Variants in ZC3H6 observed in about 807,000 individuals in gnomAD.
ZC3H6 encodes the protein zinc finger CCCH domain-containing protein 6.
Under a neutral mutation model 107.7 loss-of-function variants are expected in ZC3H6, and 40 were observed. The ratio of observed to expected loss-of-function variants is 0.37; its 90% CI spans 0.29 to 0.48. The LOEUF (loss-of-function observed/expected upper bound fraction) is 0.48, where lower values mean the gene tolerates loss of function less well. Among genes scored for constraint, ZC3H6 ranks in the 20% least tolerant of loss-of-function variants. ZC3H6 has a pLI of 0.98. For missense variants in ZC3H6, 1,267 were observed against 1,410.4 expected, an observed-to-expected ratio of 0.90 and a Z score of 1.63; for synonymous variants, 493 against 487.9, an observed-to-expected ratio of 1.01 and a Z score of -0.14.
chr2:112,324,517 G>T lies in ZC3H6; in HGVS notation c.1706G>T (p.Cys569Phe), dbSNP rs1207533623. Residue 569 changes from cysteine to phenylalanine, a missense_variant, in exon 10 of 12, where the codon TGT (cysteine) becomes TTT (phenylalanine). Cys to Phe is a radical substitution (Grantham distance 205). This residue lies in a region of ZC3H6 where 925 missense variants were observed against 1,025.7 expected (regional missense o/e 0.90). Coordinates refer to ENST00000409871, the MANE Select transcript of ZC3H6 (RefSeq NM_198581.3). ...HVMKVPRENH[C>F]SPGSSYQQSP... ...ATGAAAGTACCCAGAGAGAATCACTGTTCTCCAGGTTCATCATACCAGCAA... is the reference window on the plus strand; with the variant it reads ...ATGAAAGTACCCAGAGAGAATCACTTTTCTCCAGGTTCATCATACCAGCAA... 1.2e-6 allele frequency: 2 copies of T among 1,612,890 alleles called. No individual in the cohort carries two copies. The highest frequency in any genetic ancestry group is 1.7e-6 in the Non-Finnish European group (2 of 1,179,436).
intron 1 of ZC3H6, among the ~76,000 whole-genome samples, chr2:112,278,733 A>G (rs1185499221): frequency 1.3e-5 from 2 of 152,246 alleles, no homozygotes; most frequent in East Asian, 3.8e-4. Flanking sequence ...AAATTAAAAT[A>G]TTACTGTTTA....
intron 7 of ZC3H6, 30 bp from the exon 8 acceptor site, chr2:112,321,726 C>G: frequency 7.6e-7 from 1 of 1,317,772 alleles, no homozygotes; most frequent in Non-Finnish European, 1.0e-6. Flanking sequence ...CTTGATTTTA[C>G]TTGGTCTTTT....
intron 3 of ZC3H6, among the ~76,000 whole-genome samples, chr2:112,309,354 CT>C (rs1676553051): frequency 1.3e-5 from 2 of 152,284 alleles, no homozygotes; most frequent in African/African-American, 4.8e-5. Flanking sequence ...AACTTATTCA[CT>C]AGATGTTTTT....
intron 3 of ZC3H6, among the ~76,000 whole-genome samples, chr2:112,308,404 T>TTTTTTTTATTTA (rs1553493701): frequency 7.2e-6 from 1 of 138,274 alleles, no homozygotes; most frequent in African/African-American, 2.8e-5. Flanking sequence ...TTTTATTTTA[T>TTTTTTTTATTTA]TTTATTTATT....
At chr2:112,321,293 A>G (rs1392096695) in intron 7 of ZC3H6, among the ~76,000 whole-genome samples, 2 of 151,958 alleles carry the variant, frequency 1.3e-5, no homozygotes, top group Non-Finnish European at 2.9e-5. Flanking sequence ...TTTATATAAT[A>G]TTTTATTTTA....
chr2:112,326,220 G>A (rs768949461), intron 11 of ZC3H6, among the ~76,000 whole-genome samples: 1 of 151,826 alleles, frequency 6.6e-6, no homozygotes, highest in Non-Finnish European at 1.5e-5. Context: ...AACAATCCAG[G>A]TATACTCTTT....
At position 112,336,588 on chromosome 2, in the gene ZC3H6, AT is replaced by A. The variant is rs1278328580; in HGVS notation, c.*4101del. 1 of 152,206 alleles carries A rather than the reference AT, an allele frequency of 6.6e-6. No homozygotes were observed. The highest frequency in any genetic ancestry group is 6.5e-5 in the Admixed American group (1 of 15,286). The allele number at this position is 152,206 out of a possible 1,614,324, so 9.4% of individuals were successfully genotyped here. A position where few individuals can be genotyped will look rare whatever the true frequency, so the allele number is the denominator to read the frequency against. ...TTAGGTGTTACACCTTAGCATTTAC[AT>A]AATGCCTTCTCCCCAAGCAGTTTCA... On this transcript the variant is annotated 3_prime_UTR_variant, in exon 12 of 12. Transcript: ENST00000409871.
intron 1 of ZC3H6, among the ~76,000 whole-genome samples, chr2:112,294,346 C>A (rs1676186640): frequency 6.6e-6 from 1 of 152,216 alleles, no homozygotes; most frequent in Non-Finnish European, 1.5e-5. Flanking sequence ...TCATTTCAAA[C>A]ATCTAGGAAA....
exon 12 of ZC3H6, chr2:112,340,053 CTAA>C (rs755367760): frequency 2.0e-5 from 3 of 152,076 alleles, no homozygotes; most frequent in Non-Finnish European, 2.9e-5. Flanking sequence ...AAAAATGTTT[CTAA>C]TAATATCTGT....
At chr2:112,322,401 A>C (rs758611715) in intron 8 of ZC3H6, among the ~76,000 whole-genome samples, 3 of 148,356 alleles carry the variant, frequency 2.0e-5, no homozygotes, top group African/African-American at 5.0e-5. Context: ...GGGCACTACC[A>C]TGCCCAGCTA....
intron 3 of ZC3H6, among the ~76,000 whole-genome samples, chr2:112,303,801 G>A (rs112445779): frequency 3.9e-5 from 6 of 152,106 alleles, no homozygotes; most frequent in African/African-American, 9.7e-5. Context: ...TGATGGACAC[G>A]TGGGTGTTCA....
At chr2:112,282,796 G>C (rs1258574035) in intron 1 of ZC3H6, among the ~76,000 whole-genome samples, 2 of 152,210 alleles carry the variant, frequency 1.3e-5, no homozygotes, top group Non-Finnish European at 2.9e-5. Context: ...CAAGGGAGTT[G>C]ATTATAAATG....
At position 112,324,370 on chromosome 2, in the gene ZC3H6, C is replaced by T. The variant is rs1676862703; in HGVS notation, c.1559C>T (p.Pro520Leu). ...GTGCCACAGAGCCCACCTTTACCAC[C>T]TGGTCCACCTGAAATTGTAGGTCCT... ...LPVPQSPPLP[P>L]GPPEIVGPQN... Residue 520 changes from proline to leucine, a missense_variant, in exon 10 of 12, where the codon CCT (proline) becomes CTT (leucine). By Grantham distance (98) the Pro-to-Leu change is moderately conservative (BLOSUM62 -3). This residue lies in a region of ZC3H6 where 925 missense variants were observed against 1,025.7 expected (regional missense o/e 0.90). Coordinates refer to ENST00000409871, the MANE Select transcript of ZC3H6 (RefSeq NM_198581.3). The T allele has an allele frequency of 6.2e-7, 1 of 1,613,910 alleles. No individual in the cohort carries two copies.
At chr2:112,312,064 A>G in intron 5 of ZC3H6, 127 bp downstream of exon 5, 1 of 948,032 alleles carries the variant, frequency 1.1e-6, no homozygotes, top group South Asian at 2.6e-5. Context: ...CTCAGATAAA[A>G]TGAGTATCAA....
Position 112,331,959 on chromosome 2 carries a change from G to A in ZC3H6, c.3041G>A (p.Ser1014Asn). 1 of 1,613,994 alleles carries A rather than the reference G, an allele frequency of 6.2e-7. No individual in the cohort carries two copies. Among genetic ancestry groups the A allele is most frequent in the African/African-American group, 1.3e-5 (1 of 75,046 alleles). Residue 1014 changes from serine to asparagine, a missense_variant, in exon 12 of 12, where the codon AGC (serine) becomes AAC (asparagine). By Grantham distance (46) the Ser-to-Asn change is conservative. Coordinates refer to ENST00000409871, the MANE Select transcript of ZC3H6 (RefSeq NM_198581.3). ...GSSQPSGAGT[S>N]NSGSGALPPY... is the part of the protein sequence containing the mutation. Reference sequence around the variant, plus strand: ...TCACAGCCCTCAGGGGCAGGAACTAGCAATTCTGGTTCCGGGGCTCTGCCT... The same window carrying A: ...TCACAGCCCTCAGGGGCAGGAACTAACAATTCTGGTTCCGGGGCTCTGCCT...
chr2:112,296,201 T>G (rs1057385233), intron 1 of ZC3H6, among the ~76,000 whole-genome samples: 4 of 152,170 alleles, frequency 2.6e-5, no homozygotes, highest in Non-Finnish European at 5.9e-5. Context: ...TTTTTGTCAC[T>G]TGCACTCGTG....
At chr2:112,310,184 T>C (rs761860182) in intron 4 of ZC3H6, 23 bp downstream of exon 4, 26 of 1,598,356 alleles carry the variant, frequency 1.6e-5, no homozygotes, top group Non-Finnish European at 1.4e-5. Flanking sequence ...TTACAGTCTG[T>C]CTTAGAATGT....
At chr2:112,327,779 G>A (rs1299798397) in intron 11 of ZC3H6, among the ~76,000 whole-genome samples, 2 of 152,174 alleles carry the variant, frequency 1.3e-5, no homozygotes, top group East Asian at 1.9e-4. Flanking sequence ...TCCTTTCCCC[G>A]ATGTATGTTT....
chr2:112,325,370 T>C (rs1001252973), intron 11 of ZC3H6, among the ~76,000 whole-genome samples, 173 bp downstream of exon 11: 3 of 152,172 alleles, frequency 2.0e-5, no homozygotes, highest in Admixed American at 2.0e-4. Context: ...GGCATGTGCC[T>C]GTAGTACCAG....
Sources: gnomAD v4.1 joint callset for allele counts (sites outside exome capture counted in the v4.1 genomes callset) on GRCh38, gnomAD v4.1.1 for gene constraint, gnomAD v4.1.1 regional missense constraint, MANE v1.5 for transcripts, NCBI Gene and HGNC (gene_info 2026-07-23, HGNC 2026-07-21) for gene names.